The following CSMD2 variants were observed in gnomAD, a reference collection of about 807,000 sequenced individuals.
CSMD2 encodes CUB and Sushi multiple domains 2.
Under a neutral mutation model 398.5 loss-of-function variants are expected in CSMD2, and 130 were observed. The observed-to-expected ratio is 0.33, with a 90% CI of 0.28 to 0.38. The LOEUF is 0.38. Ranked by LOEUF, CSMD2 falls within the 10% of genes least tolerant of loss-of-function variation. CSMD2 has a pLI of 1.00. For synonymous variants in CSMD2, 1,828 were observed against 1,908.5 expected (o/e 0.96, Z 1.10); for missense variants, 3,829 against 4,764.9 (o/e 0.80, Z 5.78).
chr1:33,575,524 G>A lies in CSMD2; in HGVS notation c.7576+1772C>T, dbSNP rs190637462. Among the ~76,000 whole-genome samples, 12 of 152,260 alleles carry A rather than the reference G, an allele frequency of 7.9e-5. No homozygotes were observed. In the East Asian group the frequency reaches 2.3e-3, roughly 29 times the overall value. On this transcript the variant is annotated intron_variant, in intron 49 of 70. Coordinates refer to ENST00000373381, the MANE Select transcript of CSMD2 (RefSeq NM_001281956.2). ...ACTAGGATTCCAGAGAACACAGTGG[G>A]AGGCTTAGAGGAAGGGCATCAGTGG...
chr1:33,760,334 T>A (rs1362533196), intron 13 of CSMD2, among the ~76,000 whole-genome samples: 2 of 152,166 alleles, frequency 1.3e-5, no homozygotes, highest in South Asian at 2.1e-4. Context: ...GGAACTCATA[T>A]CCCCAGCTCA....
chr1:33,829,840 C>T (rs1659287969), intron 6 of CSMD2, among the ~76,000 whole-genome samples: 2 of 41,804 alleles, frequency 4.8e-5, no homozygotes, highest in Admixed American at 3.1e-4. Context: ...TAGGAAATGG[C>T]ACACCAGGAG....
chr1:33,903,748 T>C (rs1018491266), intron 5 of CSMD2, among the ~76,000 whole-genome samples: 5 of 152,256 alleles, frequency 3.3e-5, no homozygotes, highest in Non-Finnish European at 7.3e-5. Flanking sequence ...TATTGATGAA[T>C]GTTTAAAATA....
chr1:33,584,750 A>C (rs1276558708), intron 46 of CSMD2, among the ~76,000 whole-genome samples: 1 of 143,200 alleles, frequency 7.0e-6, no homozygotes, highest in East Asian at 1.9e-4. Context: ...TGCTTCAATA[A>C]ATTGTAGAGG....
intron 1 of CSMD2, among the ~76,000 whole-genome samples, chr1:34,134,775 CAGAT>C (rs764220440): frequency 3.9e-5 from 6 of 152,086 alleles, no homozygotes; most frequent in East Asian, 1.9e-4. Flanking sequence ...GGTGCATAAA[CAGAT>C]AGTTTTCAGG....
At chr1:33,714,114 G>T (rs545504900) in intron 21 of CSMD2, among the ~76,000 whole-genome samples, 21 of 152,104 alleles carry the variant, frequency 1.4e-4, no homozygotes, top group Non-Finnish European at 2.8e-4. Context: ...TTCCTAAGGC[G>T]TCTCTAAGAG....
intron 1 of CSMD2, among the ~76,000 whole-genome samples, chr1:34,155,386 G>T (rs1220873363): frequency 1.3e-5 from 2 of 152,126 alleles, no homozygotes; most frequent in African/African-American, 4.8e-5. Flanking sequence ...TCTTGCTATA[G>T]TTAAAGGCCT....
At chr1:33,982,443 G>A (rs143992118) in intron 3 of CSMD2, among the ~76,000 whole-genome samples, 14 of 152,278 alleles carry the variant, frequency 9.2e-5, no homozygotes, top group African/African-American at 2.6e-4. Context: ...TAACCACACC[G>A]TGCTTCAGTT....
intron 3 of CSMD2, among the ~76,000 whole-genome samples, chr1:34,019,487 C>G (rs1358465738): frequency 6.6e-6 from 1 of 152,204 alleles, no homozygotes; most frequent in Non-Finnish European, 1.5e-5. Context: ...TCCTTCTATT[C>G]CAGCAGTGTA....
At chr1:33,901,242 G>T (rs1021920179) in intron 5 of CSMD2, among the ~76,000 whole-genome samples, 8 of 152,202 alleles carry the variant, frequency 5.3e-5, no homozygotes, top group African/African-American at 1.7e-4. Context: ...TTGCCAAAGG[G>T]CTCTGACACC....
intron 3 of CSMD2, among the ~76,000 whole-genome samples, chr1:34,017,880 T>C (rs182979537): frequency 6.6e-6 from 1 of 152,378 alleles, no homozygotes; most frequent in East Asian, 1.9e-4. Context: ...ATTTGATTCA[T>C]GTTATGTTCA....
Position 33,518,135 on chromosome 1 carries a change from T to C in CSMD2, c.*53+1330A>G, listed in dbSNP as rs949965194. ...TACCTGGCTGGCTCTGTGACTCTTC[T>C]CCCCAGAGTCCTTCAGCACAGGACC... is the stretch of plus-strand genomic sequence containing the variant. On this transcript the variant is annotated intron_variant, in intron 70 of 70. Transcript: ENST00000373381. The surrounding 1 kb of genome is among the most constrained non-coding windows in gnomAD (Gnocchi z 4.3). 6.6e-6 allele frequency among the ~76,000 whole-genome samples: 1 copy of C among 152,144 alleles called. No homozygotes were observed. Among genetic ancestry groups the C allele is most frequent in the Non-Finnish European group, 1.5e-5 (1 of 68,018 alleles).
intron 7 of CSMD2, among the ~76,000 whole-genome samples, chr1:33,823,241 T>C (rs6698929): frequency 0.69 from 104,663 of 152,074 alleles, 37,281 homozygotes; most frequent in African/African-American, 0.89. Flanking sequence ...TGACGCGGCT[T>C]ATACCCAGCC....
At chr1:33,642,630 T>G (rs957513227) in intron 29 of CSMD2, among the ~76,000 whole-genome samples, 1 of 152,204 alleles carries the variant, frequency 6.6e-6, no homozygotes, top group Non-Finnish European at 1.5e-5. Flanking sequence ...TCTAAAAGTA[T>G]TTTGCTTTTT....
chr1:33,845,150 A>G (rs888376438), intron 6 of CSMD2, among the ~76,000 whole-genome samples: 3 of 152,188 alleles, frequency 2.0e-5, no homozygotes, highest in Non-Finnish European at 1.5e-5. Flanking sequence ...TTAATAGGAA[A>G]TGGAAGACAC....
At chr1:33,666,254 A>C (rs1571147257) in intron 25 of CSMD2, among the ~76,000 whole-genome samples, 1 of 152,170 alleles carries the variant, frequency 6.6e-6, no homozygotes, top group Non-Finnish European at 1.5e-5. Context: ...ACCAAGTCCC[A>C]AAAAAATGTG....
intron 46 of CSMD2, among the ~76,000 whole-genome samples, chr1:33,586,127 AG>A (rs1398055951): frequency 3.3e-4 from 50 of 152,346 alleles, no homozygotes; most frequent in African/African-American, 1.0e-3. Context: ...CAGCACCTTG[AG>A]TGCATCCGCG....
At chr1:33,759,349 A>G (rs1649505054) in intron 13 of CSMD2, among the ~76,000 whole-genome samples, 1 of 129,632 alleles carries the variant, frequency 7.7e-6, no homozygotes, top group Non-Finnish European at 1.6e-5. Flanking sequence ...TTTTTGAGAC[A>G]GAGTTTCTCT....
chr1:33,637,162 G>A (rs549065888), intron 29 of CSMD2, among the ~76,000 whole-genome samples: 5 of 152,154 alleles, frequency 3.3e-5, no homozygotes, highest in Non-Finnish European at 7.3e-5. Flanking sequence ...TCTGTTGCAG[G>A]TTCTTCTGAG....
Sources: gnomAD v4.1 joint callset for allele counts (sites outside exome capture counted in the v4.1 genomes callset) on GRCh38, gnomAD v4.1.1 for gene constraint, Gnocchi (gnomAD v3.1) non-coding constraint, MANE v1.5 for transcripts, NCBI Gene and HGNC (gene_info 2026-07-23, HGNC 2026-07-21) for gene names.